SH3BP4: variants seen among roughly 807,000 people sequenced by gnomAD.
SH3BP4 encodes SH3 domain-binding protein 4.
In SH3BP4, 33 loss-of-function variants were observed where a neutral mutation model predicts 65.5. The ratio of observed to expected loss-of-function variants is 0.50; its 90% CI spans 0.38 to 0.67. SH3BP4 has a LOEUF of 0.67. Among genes scored for constraint, SH3BP4 ranks in the 30% least tolerant of loss-of-function variants. The probability of loss-of-function intolerance (pLI) is 0.00; values close to 1 mark genes in which losing one functional copy is unlikely to be tolerated. For missense variants in SH3BP4, 1,134 were observed against 1,261.4 expected, an observed-to-expected ratio of 0.90 and a Z score of 1.53; for synonymous variants, 552 against 545.5, an observed-to-expected ratio of 1.01 and a Z score of -0.17.
At chr2:235,013,712 C>T (rs1005968202) in intron 2 of SH3BP4, among the ~76,000 whole-genome samples, 1 of 152,160 alleles carries the variant, frequency 6.6e-6, no homozygotes, top group Admixed American at 6.5e-5. Flanking sequence ...AGCCTCTCCC[C>T]CCATTTTCTA....
chr2:235,052,526 TA>T lies in SH3BP4; in HGVS notation c.2479-35del. On this transcript the variant is annotated intron_variant, in intron 4 of 5. Coordinates refer to ENST00000392011, the MANE Select transcript of SH3BP4 (RefSeq NM_014521.3). This position sits in a 1 kb window ranked among gnomAD's most constrained non-coding sequence, Gnocchi z 5.0. ...GGGGAGCAGAGCCTGCCCCACTCCC[TA>T]CACTGTCTCACGCTGTGTGCCTCTT... 1 of 1,505,984 alleles carries T rather than the reference TA, an allele frequency of 6.6e-7. No homozygotes were observed. Among genetic ancestry groups the T allele is most frequent in the Non-Finnish European group, 8.9e-7 (1 of 1,119,840 alleles). The allele number at this position is 1,505,984 out of a possible 1,614,324, so 93.3% of individuals were successfully genotyped here.
At chr2:235,019,433 A>T (rs1306599077) in intron 2 of SH3BP4, among the ~76,000 whole-genome samples, 2 of 129,128 alleles carry the variant, frequency 1.5e-5, no homozygotes, top group Middle Eastern at 4.1e-3. Flanking sequence ...GGAAGGGCGA[A>T]TTTTTTTTTT....
chr2:235,053,443 GTT>G, intron 5 of SH3BP4, 147 bp from the exon 6 acceptor site: 1 of 650,482 alleles, frequency 1.5e-6, no homozygotes, highest in Non-Finnish European at 2.7e-6. Flanking sequence ...TGGTTCCACT[GTT>G]TCTTCTGTGG....
chr2:235,038,241 T>TATATATTATATATA lies in SH3BP4; in HGVS notation c.119-2641_119-2640insTATATATAATATAT, dbSNP rs1485302743. ...ATATATAAAGGATATATGTATTTTA[T>TATATATTATATATA]ATATATATTATATATAATATATATT... On this transcript the variant is annotated intron_variant, in intron 3 of 5. Transcript: ENST00000392011. Among the ~76,000 whole-genome samples the TATATATTATATATA allele has an allele frequency of 2.1e-3, 64 of 30,972 alleles. 4 individuals carry two copies. Among genetic ancestry groups the TATATATTATATATA allele is most frequent in the African/African-American group, 0.017 (57 of 3,332 alleles). 20.3% of individuals were successfully genotyped at this position (30,972 alleles called of 152,430 possible). A position where few individuals can be genotyped will look rare whatever the true frequency, so the allele number is the denominator to read the frequency against.
In SH3BP4 at chr2:235,042,628, C is replaced by A; in HGVS notation, c.1859C>A (p.Ser620Tyr). ...CCCCCTAAAAGTGCCATCAAGCCTT[C>A]CGGGCAAAGGAGGTTTCTCAAGAAG... ...QPPPKSAIKP[S>Y]GQRRFLKKNE... The change falls in exon 4 of 6, where the codon TCC becomes TAC. Residue 620 changes from serine to tyrosine, a missense_variant. Ser to Tyr is a moderately radical substitution (Grantham distance 144). Coordinates refer to ENST00000392011, the MANE Select transcript of SH3BP4 (RefSeq NM_014521.3). The surrounding 1 kb of genome is among the most constrained non-coding windows in gnomAD (Gnocchi z 7.3). 6.2e-7 allele frequency: 1 copy of A among 1,614,130 alleles called. No homozygotes were observed. The highest frequency in any genetic ancestry group is 1.1e-5 in the South Asian group (1 of 91,076).
intron 2 of SH3BP4, among the ~76,000 whole-genome samples, chr2:234,998,260 C>G (rs1693986322): frequency 6.6e-6 from 1 of 152,182 alleles, no homozygotes; most frequent in Non-Finnish European, 1.5e-5. Flanking sequence ...TGGGCTGGTA[C>G]CACACCCCCT....
Position 235,042,774 on chromosome 2 carries a change from A to G in SH3BP4, c.2005A>G (p.Asn669Asp), listed in dbSNP as rs942116560. 5 of 1,614,072 alleles carry G rather than the reference A, an allele frequency of 3.1e-6. No homozygotes were observed. The African/African-American group carries it at 6.7e-5, about 22-fold the overall frequency. ...GKLLKTVVRQ[N>D]KNHYLLEYKK... ...GTTGCTCAAGACTGTGGTGCGGCAG[A>G]ACAAGAACCACTACCTGCTGGAGTA... The change falls in exon 4 of 6, where the codon AAC (asparagine) becomes GAC (aspartate). Residue 669 changes from asparagine (N) to aspartate (D), a missense_variant. Transcript: ENST00000392011. This position sits in a 1 kb window ranked among gnomAD's most constrained non-coding sequence, Gnocchi z 7.3.
intron 2 of SH3BP4, among the ~76,000 whole-genome samples, chr2:235,020,836 A>G (rs1694827621): frequency 6.6e-6 from 1 of 152,036 alleles, no homozygotes; most frequent in African/African-American, 2.4e-5. Flanking sequence ...AGGGCAAGTG[A>G]TTTTTGTCCT....
chr2:234,963,009 C>T (rs1692749924), intron 1 of SH3BP4, among the ~76,000 whole-genome samples: 1 of 152,188 alleles, frequency 6.6e-6, no homozygotes, highest in African/African-American at 2.4e-5. Flanking sequence ...CTCAGCCTCC[C>T]AAAGTGCTGG....
In SH3BP4 at chr2:235,053,887, CG is replaced by C. The variant is rs1696144880; in HGVS notation, c.*73del. ...TGCCCTGCGTGCCCTGCTGTCACCG[CG>C]GAGCTGAAGAGGGAGGAAGGGGCGG... is the stretch of plus-strand genomic sequence containing the variant. On this transcript the variant is annotated 3_prime_UTR_variant, in exon 6 of 6. Transcript: ENST00000392011. The C allele has an allele frequency of 7.8e-6, 10 of 1,274,074 alleles. No homozygotes were observed. Among genetic ancestry groups the C allele is most frequent in the African/African-American group, 1.5e-5 (1 of 68,106 alleles). The allele number at this position is 1,274,074 out of a possible 1,614,324, so 78.9% of individuals were successfully genotyped here.
At chr2:234,955,280 C>T (rs1471745624) in intron 1 of SH3BP4, among the ~76,000 whole-genome samples, 1 of 152,294 alleles carries the variant, frequency 6.6e-6, no homozygotes, top group Non-Finnish European at 1.5e-5. Flanking sequence ...CGTTTACACT[C>T]AGCTTCTGGG....
intron 2 of SH3BP4, among the ~76,000 whole-genome samples, chr2:234,996,481 A>G (rs1198171046): frequency 2.6e-5 from 4 of 152,180 alleles, no homozygotes; most frequent in Non-Finnish European, 4.4e-5. Flanking sequence ...TAGTGACGTG[A>G]GGAATTCAGG....
In SH3BP4 at chr2:235,040,919, C is replaced by A. The variant is rs201801979; in HGVS notation, c.150C>A (p.Asn50Lys). ...VPSPSALLVDNPTPFGNAKEV... is the reference protein window; with the variant it reads ...VPSPSALLVDKPTPFGNAKEV... ...CTCCCAGTGCCTTGCTCGTAGACAA[C>A]CCCACACCTTTCGGAAATGCAAAGG... The change falls in exon 4 of 6, where the codon AAC becomes AAA. Residue 50 changes from asparagine (N) to lysine (K), a missense_variant. Transcript: ENST00000392011. 3.4e-4 allele frequency: 547 copies of A among 1,613,674 alleles called. No homozygotes were observed. Among genetic ancestry groups the A allele is most frequent in the Non-Finnish European group, 4.3e-4 (510 of 1,179,754 alleles).
At chr2:235,012,766 G>T (rs920838982) in intron 2 of SH3BP4, among the ~76,000 whole-genome samples, 1 of 152,340 alleles carries the variant, frequency 6.6e-6, no homozygotes, top group East Asian at 1.9e-4. Context: ...ACCCCAACAT[G>T]CATTTCCAAC....
At chr2:234,965,313 G>A (rs376919179) in intron 1 of SH3BP4, among the ~76,000 whole-genome samples, 5 of 152,268 alleles carry the variant, frequency 3.3e-5, no homozygotes, top group African/African-American at 7.2e-5. Context: ...GAAGGTCAGC[G>A]GACAGGCTGT....
intron 2 of SH3BP4, among the ~76,000 whole-genome samples, chr2:234,998,171 G>A (rs1414975589): frequency 2.0e-5 from 3 of 152,044 alleles, no homozygotes; most frequent in East Asian, 3.9e-4. Flanking sequence ...CCTGCAGACC[G>A]GCTGCATTTG....
intron 1 of SH3BP4, among the ~76,000 whole-genome samples, chr2:234,955,216 T>G (rs1280743541): frequency 3.9e-5 from 6 of 152,084 alleles, no homozygotes; most frequent in Non-Finnish European, 8.8e-5. Flanking sequence ...CAGAGCACTC[T>G]CAGTGCGCGG....
intron 2 of SH3BP4, among the ~76,000 whole-genome samples, chr2:235,032,592 C>T (rs950200372): frequency 4.6e-5 from 7 of 152,160 alleles, no homozygotes; most frequent in African/African-American, 1.4e-4. Context: ...TTCGGGGCTG[C>T]CGGGCTGCCT....
rs542424733 is a variant in SH3BP4 at position 235,053,961 on chromosome 2, C to G, written c.*145C>G. ...CGCCAGCTAGGCTACACCCATCATGCGCCGCCCTCCTCCATCGAGGGAGAG... is the reference window on the plus strand; with the variant it reads ...CGCCAGCTAGGCTACACCCATCATGGGCCGCCCTCCTCCATCGAGGGAGAG... On this transcript the variant is annotated 3_prime_UTR_variant, in exon 6 of 6. Transcript: ENST00000392011. 16 of 634,150 alleles carry G rather than the reference C, an allele frequency of 2.5e-5. No individual in the cohort carries two copies. The highest frequency in any genetic ancestry group is 2.0e-4 in the African/African-American group (11 of 54,774). 39.3% of individuals were successfully genotyped at this position (634,150 alleles called of 1,614,324 possible).
Sources: gnomAD v4.1 joint callset for allele counts (sites outside exome capture counted in the v4.1 genomes callset) on GRCh38, gnomAD v4.1.1 for gene constraint, Gnocchi (gnomAD v3.1) non-coding constraint, MANE v1.5 for transcripts, NCBI Gene and HGNC (gene_info 2026-07-23, HGNC 2026-07-21) for gene names.